Variants in KIAA2012 observed in about 807,000 individuals in gnomAD.
KIAA2012 encodes KIAA2012, also known as uncharacterized protein KIAA2012.
KIAA2012 carries 125 observed loss-of-function variants against 150.6 expected under a neutral mutation model. The ratio of observed to expected loss-of-function variants is 0.83; its 90% CI spans 0.72 to 0.96. The LOEUF is 0.96. KIAA2012 is among the 40% of genes least tolerant of loss of function. The probability of loss-of-function intolerance (pLI) is 0.00; values close to 1 mark genes in which losing one functional copy is unlikely to be tolerated. For synonymous variants in KIAA2012, 462 were observed against 504.7 expected, an observed-to-expected ratio of 0.92 and a Z score of 1.13; for missense variants, 1,219 against 1,354.9, an observed-to-expected ratio of 0.90 and a Z score of 1.57.
At chr2:202,179,779 G>C (rs550618917) in intron 15 of KIAA2012, 1 of 630,388 alleles carries the variant, frequency 1.6e-6, no homozygotes, top group Admixed American at 1.8e-5. Context: ...AGCCACAGCA[G>C]TGGGAAAGAA....
At chr2:202,192,137 G>A (rs1041835723) in intron 19 of KIAA2012, among the ~76,000 whole-genome samples, 4 of 152,174 alleles carry the variant, frequency 2.6e-5, no homozygotes, top group Admixed American at 6.5e-5. Context: ...CCTATGGGCC[G>A]AACTTTTCTG....
chr2:202,191,335 G>C (rs147381859), intron 19 of KIAA2012, among the ~76,000 whole-genome samples: 1 of 152,090 alleles, frequency 6.6e-6, no homozygotes, highest in Admixed American at 6.6e-5. Flanking sequence ...TGCTTCTAAT[G>C]TGGAGGTCTG....
intron 23 of KIAA2012, among the ~76,000 whole-genome samples, chr2:202,204,264 A>G (rs12987670): frequency 0.4 from 60,773 of 151,462 alleles, 13,058 homozygotes; most frequent in African/African-American, 0.57. Flanking sequence ...TTTAGTACAG[A>G]TGGGGTTTCG....
At chr2:202,109,856 T>C in intron 10 of KIAA2012, 67 bp downstream of exon 10, 1 of 1,386,624 alleles carries the variant, frequency 7.2e-7, no homozygotes, top group Non-Finnish European at 9.6e-7. Context: ...CAGGGCCGCA[T>C]GGCTGCTATG....
At position 202,103,057 on chromosome 2, in the gene KIAA2012, C is replaced by T; in HGVS notation, c.1267C>T (p.Pro423Ser). The T allele has an allele frequency of 6.4e-7, 1 of 1,550,566 alleles. No individual in the cohort carries two copies. Among genetic ancestry groups the T allele is most frequent in the Non-Finnish European group, 8.7e-7 (1 of 1,146,984 alleles). The change falls in exon 8 of 24, where the codon CCG (proline) becomes TCG (serine). Residue 423 changes from proline (P) to serine (S), a missense_variant. Pro to Ser is a moderately conservative substitution (Grantham distance 74, BLOSUM62 -1). Coordinates refer to ENST00000498697, the MANE Select transcript of KIAA2012 (RefSeq NM_001277372.4). ...NEPPTELFIL[P>S]VEIHYHTKQP... is the part of the protein sequence containing the mutation. The stretch of plus-strand genomic sequence containing the variant: ...GCCCCCAACAGAGCTCTTCATCTTA[C>T]CGGTGGAGATTCATTACCACACCAA...
intron 20 of KIAA2012, among the ~76,000 whole-genome samples, 158 bp from the exon 21 acceptor site, chr2:202,194,032 T>C (rs1224119901): frequency 6.6e-6 from 1 of 152,222 alleles, no homozygotes; most frequent in African/African-American, 2.4e-5. Flanking sequence ...TGCTCTTCAA[T>C]CCTGGCTTCC....
At chr2:202,198,341 A>G (rs1328767972) in intron 22 of KIAA2012, among the ~76,000 whole-genome samples, 4 of 152,198 alleles carry the variant, frequency 2.6e-5, no homozygotes, top group African/African-American at 9.7e-5. Context: ...AGTAAACAGT[A>G]AATACAAAGG....
At chr2:202,156,668 G>C (rs1311590698) in intron 14 of KIAA2012, among the ~76,000 whole-genome samples, 1 of 152,130 alleles carries the variant, frequency 6.6e-6, no homozygotes, top group South Asian at 2.1e-4. Context: ...GGCAGATCAC[G>C]AGGTCAGGAG....
chr2:202,107,774 C>G (rs779624769), intron 9 of KIAA2012, among the ~76,000 whole-genome samples: 1 of 152,120 alleles, frequency 6.6e-6, no homozygotes, highest in Admixed American at 6.5e-5. Context: ...CTTCGGGAGG[C>G]CAAGGCGGCA....
At chr2:202,173,959 A>C (rs1297346170) in intron 15 of KIAA2012, among the ~76,000 whole-genome samples, 1 of 152,098 alleles carries the variant, frequency 6.6e-6, no homozygotes, top group Non-Finnish European at 1.5e-5. Flanking sequence ...AGAACTTGAG[A>C]AGCATTCTTT....
intron 2 of KIAA2012, among the ~76,000 whole-genome samples, chr2:202,079,729 T>G (rs1689404455): frequency 6.6e-6 from 1 of 152,234 alleles, no homozygotes; most frequent in South Asian, 2.1e-4. Flanking sequence ...TGTTGTTGTT[T>G]TTTAACAGAA....
At chr2:202,170,214 A>G (rs1691856791) in intron 15 of KIAA2012, among the ~76,000 whole-genome samples, 1 of 152,236 alleles carries the variant, frequency 6.6e-6, no homozygotes. Context: ...CAATGGGTCA[A>G]GATGGGAGCA....
chr2:202,075,377 G>A (rs954611483), intron 2 of KIAA2012, among the ~76,000 whole-genome samples: 4 of 152,134 alleles, frequency 2.6e-5, no homozygotes, highest in Non-Finnish European at 4.4e-5. Context: ...ATGAGATAAT[G>A]TATGTGAAAG....
chr2:202,145,975 C>T lies in KIAA2012; in HGVS notation c.1908+7467C>T, dbSNP rs1212186631. ...GCTGGGATTACAGGCTTGAGCCACCCGCCTGGCCAAGAGGGTCTTTTTAAA... is the reference window on the plus strand; with the variant it reads ...GCTGGGATTACAGGCTTGAGCCACCTGCCTGGCCAAGAGGGTCTTTTTAAA... On this transcript the variant is annotated intron_variant, in intron 13 of 23. Coordinates refer to ENST00000498697, the MANE Select transcript of KIAA2012 (RefSeq NM_001277372.4). 6.6e-5 allele frequency among the ~76,000 whole-genome samples: 10 copies of T among 152,090 alleles called. 1 individual carries two copies. The highest frequency in any genetic ancestry group is 4.8e-5 in the African/African-American group (2 of 41,502).
intron 13 of KIAA2012, among the ~76,000 whole-genome samples, chr2:202,146,195 A>T (rs568494550): frequency 2.6e-5 from 4 of 152,242 alleles, no homozygotes; most frequent in African/African-American, 9.6e-5. Context: ...AAATCCAATA[A>T]AGCTGCATTT....
rs1217420145 is a variant in KIAA2012 at position 202,193,402 on chromosome 2, G to T, written c.2913G>T (p.Glu971Asp). 5 of 1,550,266 alleles carry T rather than the reference G, an allele frequency of 3.2e-6. No homozygotes were observed. In the South Asian group the frequency reaches 4.8e-5, roughly 15 times the overall value. The change falls in exon 20 of 24, where the codon GAG (glutamate) becomes GAT (aspartate). Residue 971 changes from glutamate (E) to aspartate (D), a missense_variant. Physicochemically the swap from Glu to Asp is conservative, Grantham distance 45 (BLOSUM62 2). Transcript: ENST00000498697. ...RWLEVEKKRREQEEQRQLQQE... is the reference protein window; with the variant it reads ...RWLEVEKKRRDQEEQRQLQQE... Reference sequence around the variant, plus strand: ...TGGAGGTGGAGAAGAAGAGAAGGGAGCAGGAAGAGCAAAGGCAGCTCCAGC... The same window carrying T: ...TGGAGGTGGAGAAGAAGAGAAGGGATCAGGAAGAGCAAAGGCAGCTCCAGC...
chr2:202,200,832 G>T (rs546106529), intron 22 of KIAA2012, among the ~76,000 whole-genome samples: 1 of 150,728 alleles, frequency 6.6e-6, no homozygotes, highest in East Asian at 2.0e-4. Context: ...TCAGCCTCCT[G>T]AGTAGCTGGG....
At position 202,205,155 on chromosome 2, in the gene KIAA2012, T is replaced by G. The variant is rs3181153; in HGVS notation, c.*178T>G. 0.88 allele frequency: 134,542 copies of G among 152,268 alleles called. 59,541 individuals are homozygous for G. The highest frequency in any genetic ancestry group is 0.9 in the African/African-American group (37,506 of 41,534). 9.4% of individuals were successfully genotyped at this position (152,268 alleles called of 1,614,324 possible). ...TAAGCACACATTTAAGTTAACCATA[T>G]CAGAGTGCAATGCATTTCGAAAAAT... is the stretch of plus-strand genomic sequence containing the variant. On this transcript the variant is annotated 3_prime_UTR_variant, in exon 24 of 24. Transcript: ENST00000498697.
intron 13 of KIAA2012, among the ~76,000 whole-genome samples, chr2:202,146,420 C>G (rs189537792): frequency 6.6e-6 from 1 of 152,100 alleles, no homozygotes; most frequent in Admixed American, 6.5e-5. Flanking sequence ...ATTACGAGGT[C>G]AGGAGATGGA....
Sources: allele counts gnomAD v4.1 joint callset (sites outside exome capture counted in the v4.1 genomes callset), GRCh38; gene constraint gnomAD v4.1.1; transcripts MANE v1.5; gene names NCBI Gene and HGNC (gene_info 2026-07-23, HGNC 2026-07-21).